Variants in C5AR1 observed in about 807,000 individuals in gnomAD.
The protein encoded by C5AR1 is C5a anaphylatoxin chemotactic receptor 1.
A neutral mutation model predicts 2.4 loss-of-function variants in C5AR1; 4 were observed. That is an observed-to-expected ratio of 1.65 (90% confidence interval 0.81 to 3.77). C5AR1 has a LOEUF of 3.77. C5AR1 is among the 30% of genes most tolerant of loss of function. C5AR1 has a pLI of 0.01. For missense variants in C5AR1, 418 were observed against 462.5 expected, an observed-to-expected ratio of 0.90 and a Z score of 0.88; for synonymous variants, 209 against 210.4, an observed-to-expected ratio of 0.99 and a Z score of 0.06.
rs5828299 is a variant in C5AR1, at chr19:47,317,507, C to CAAAAA, written c.4-2265_4-2261dup. Among the ~76,000 whole-genome samples the CAAAAA allele has an allele frequency of 2.8e-3, 324 of 115,154 alleles. 3 individuals carry two copies. Among genetic ancestry groups the CAAAAA allele is most frequent in the African/African-American group, 0.011 (307 of 27,912 alleles). The allele number at this position is 115,154 out of a possible 152,430, so 75.5% of individuals were successfully genotyped here. ...TGGGTGACAGAGTGAGACTCAGTCT[C>CAAAAA]AAAAAAAAAAAAATATATATATATA... On this transcript the variant is annotated intron_variant, in intron 1 of 1. Coordinates refer to ENST00000355085, the MANE Select transcript of C5AR1 (RefSeq NM_001736.4).
chr19:47,313,689 A>G lies in C5AR1; in HGVS notation c.3+3791A>G, dbSNP rs542491762. Among the ~76,000 whole-genome samples, 77 of 151,354 alleles carry G rather than the reference A, an allele frequency of 5.1e-4. No individual in the cohort carries two copies. The South Asian group carries it at 6.3e-3, about 12-fold the overall frequency. ...AATCCAGGAGGCGGAGCTTGCAGTGAGCTGAGATCGCGCCACTGCACTCCA... is the reference window on the plus strand; with the variant it reads ...AATCCAGGAGGCGGAGCTTGCAGTGGGCTGAGATCGCGCCACTGCACTCCA... On this transcript the variant is annotated intron_variant, in intron 1 of 1. Coordinates refer to ENST00000355085, the MANE Select transcript of C5AR1 (RefSeq NM_001736.4).
At position 47,320,646 on chromosome 19, in the gene C5AR1, A is replaced by G; in HGVS notation, c.869A>G (p.Tyr290Cys). 5.0e-6 allele frequency: 8 copies of G among 1,614,022 alleles called. No homozygotes were observed. The highest frequency in any genetic ancestry group is 1.3e-5 in the African/African-American group (1 of 75,006). ...KLDSLCVSFAYINCCINPIIY... is the reference protein window; with the variant it reads ...KLDSLCVSFACINCCINPIIY... ...GACTCCCTGTGTGTCTCCTTTGCCT[A>G]CATCAACTGCTGCATCAACCCCATC... The change falls in exon 2 of 2, where the codon TAC becomes TGC. Residue 290 changes from tyrosine (Y) to cysteine (C), a missense_variant. Coordinates refer to ENST00000355085, the MANE Select transcript of C5AR1 (RefSeq NM_001736.4). This position sits in a 1 kb window ranked among gnomAD's most constrained non-coding sequence, Gnocchi z 4.9.
At chr19:47,318,214 CCT>C (rs1417587483) in intron 1 of C5AR1, among the ~76,000 whole-genome samples, 2 of 152,080 alleles carry the variant, frequency 1.3e-5, no homozygotes, top group African/African-American at 4.8e-5. Flanking sequence ...GGGTTCACAT[CCT>C]CTCTGAGTGA....
rs1161259239 is a variant in C5AR1, at chr19:47,319,995, TC to T, written c.219del (p.Trp74GlyfsTer7). The stretch of plus-strand genomic sequence containing the variant: ...GAGGCCAAGCGGACCATCAATGCCA[TC>T]TGGTTCCTCAACTTGGCGGTAGCCG... Reference protein sequence around the residue: ...AFEAKRTINAIWFLNLAVADF... With the variant: ...AFEAKRTINAXWFLNLAVADF... On this transcript the variant is annotated frameshift_variant, in exon 2 of 2. Coordinates refer to ENST00000355085, the MANE Select transcript of C5AR1 (RefSeq NM_001736.4). LOFTEE classifies it low-confidence loss of function (END_TRUNC). 1.2e-6 allele frequency: 2 copies of T among 1,614,226 alleles called. No homozygotes were observed. The highest frequency in any genetic ancestry group is 2.2e-5 in the South Asian group (2 of 91,088).
Position 47,314,042 on chromosome 19 carries a change from C to T in C5AR1, c.3+4144C>T, listed in dbSNP as rs140272946. Among the ~76,000 whole-genome samples the T allele has an allele frequency of 3.5e-3, 539 of 152,282 alleles. 17 individuals carry two copies. Among genetic ancestry groups the T allele is most frequent in the Admixed American group, 0.03 (451 of 15,272 alleles). On this transcript the variant is annotated intron_variant, in intron 1 of 1. Transcript: ENST00000355085. Reference sequence around the variant, plus strand: ...TTCTCATCCGATCGTTCACATCTTGCGGCCAGCACCCTTGTCTAAGCCACC... The same window carrying T: ...TTCTCATCCGATCGTTCACATCTTGTGGCCAGCACCCTTGTCTAAGCCACC...
intron 1 of C5AR1, chr19:47,316,671 C>A (rs939154730): frequency 6.6e-6 from 1 of 152,106 alleles, no homozygotes; most frequent in Non-Finnish European, 1.5e-5. Context: ...TTTCAAGATT[C>A]ATCCACATTG....
upstream of C5AR1, among the ~76,000 whole-genome samples, chr19:47,309,121 C>G (rs1209439914): frequency 1.3e-5 from 2 of 152,086 alleles, no homozygotes; most frequent in African/African-American, 4.8e-5. Context: ...GCTGGGCTAC[C>G]TCCGCAGACT....
chr19:47,320,727 GCCT>G lies in C5AR1; in HGVS notation c.956_958del (p.Leu319del), dbSNP rs754961107. The G allele has an allele frequency of 1.9e-5, 30 of 1,613,962 alleles. No individual in the cohort carries two copies. The highest frequency in any genetic ancestry group is 2.5e-5 in the Non-Finnish European group (30 of 1,180,032). On this transcript the variant is annotated inframe_deletion, in exon 2 of 2. Transcript: ENST00000355085. The surrounding 1 kb of genome is among the most constrained non-coding windows in gnomAD (Gnocchi z 4.9). The stretch of plus-strand genomic sequence containing the variant: ...GGCCGACTGCGGAAATCCCTCCCCA[GCCT>G]CCTCCGGAACGTGTTGACTGAAGAG...
Position 47,320,387 on chromosome 19 carries a change from A to T in C5AR1, c.610A>T (p.Ile204Phe). 1 of 1,610,116 alleles carries T rather than the reference A, an allele frequency of 6.2e-7. No individual in the cohort carries two copies. The highest frequency in any genetic ancestry group is 1.1e-5 in the South Asian group (1 of 91,082). The change falls in exon 2 of 2, where the codon ATC becomes TTC. Residue 204 changes from isoleucine to phenylalanine, a missense_variant. Coordinates refer to ENST00000355085, the MANE Select transcript of C5AR1 (RefSeq NM_001736.4). The surrounding 1 kb of genome is among the most constrained non-coding windows in gnomAD (Gnocchi z 4.9). ...CAAACGGCGGGAGCGAGCCGTGGCC[A>T]TCGTCCGGCTGGTCCTGGGCTTCCT... ...HDKRRERAVAIVRLVLGFLWP... is the reference protein window; with the variant it reads ...HDKRRERAVAFVRLVLGFLWP...
At chr19:47,313,959 A>G (rs931677624) in intron 1 of C5AR1, among the ~76,000 whole-genome samples, 2 of 152,100 alleles carry the variant, frequency 1.3e-5, no homozygotes, top group African/African-American at 4.8e-5. Flanking sequence ...AAGGCTCAGG[A>G]CAGCCTGGCA....
chr19:47,309,232 G>A (rs1329614329), upstream of C5AR1, among the ~76,000 whole-genome samples: 6 of 152,078 alleles, frequency 3.9e-5, no homozygotes, highest in Non-Finnish European at 8.8e-5. Context: ...TAAGCCAACT[G>A]CATTCCTGAG....
chr19:47,312,376 G>A (rs1284824884), intron 1 of C5AR1, among the ~76,000 whole-genome samples: 12 of 152,168 alleles, frequency 7.9e-5, no homozygotes, highest in Admixed American at 5.9e-4. Flanking sequence ...GTGAGCCATC[G>A]CACCCAGCCT....
chr19:47,317,763 A>G (rs1252089530), intron 1 of C5AR1, among the ~76,000 whole-genome samples: 1 of 151,762 alleles, frequency 6.6e-6, no homozygotes, highest in African/African-American at 2.4e-5. Flanking sequence ...CAGGCAGATC[A>G]CGAGGTCAGG....
intron 1 of C5AR1, among the ~76,000 whole-genome samples, chr19:47,310,158 G>A (rs115260074): frequency 1.1e-3 from 161 of 152,266 alleles, no homozygotes; most frequent in African/African-American, 3.8e-3. Context: ...GCTGGGGCCC[G>A]AGAAGATTCC....
chr19:47,319,723 C>G, intron 1 of C5AR1, 58 bp from the exon 2 acceptor site: 1 of 1,152,214 alleles, frequency 8.7e-7, no homozygotes, highest in Admixed American at 1.9e-5. Flanking sequence ...CCAGGATGCC[C>G]CCTACCCGGG....
At chr19:47,308,076 A>G (rs918147455), upstream of C5AR1, among the ~76,000 whole-genome samples, 1 of 151,690 alleles carries the variant, frequency 6.6e-6, no homozygotes, top group African/African-American at 2.4e-5. Flanking sequence ...AGCCGGGTGC[A>G]GTGGTAGGCA....
Position 47,321,051 on chromosome 19 carries a change from A to G in C5AR1, c.*221A>G, listed in dbSNP as rs997148929. 6 of 187,020 alleles carry G rather than the reference A, an allele frequency of 3.2e-5. No individual in the cohort carries two copies. The highest frequency in any genetic ancestry group is 5.3e-5 in the Non-Finnish European group (6 of 112,846). The allele number at this position is 187,020 out of a possible 1,614,324, so 11.6% of individuals were successfully genotyped here. A position where few individuals can be genotyped will look rare whatever the true frequency, so the allele number is the denominator to read the frequency against. On this transcript the variant is annotated 3_prime_UTR_variant, in exon 2 of 2. Coordinates refer to ENST00000355085, the MANE Select transcript of C5AR1 (RefSeq NM_001736.4). ...ACTTCCTTCTAGGGAGCACCCTCCC[A>G]CCCCCCACCCCCCCCACACACACCA...
chr19:47,309,468 G>A (rs892989074), upstream of C5AR1, among the ~76,000 whole-genome samples: 4 of 151,858 alleles, frequency 2.6e-5, no homozygotes, highest in African/African-American at 9.7e-5. Flanking sequence ...CCAGCTACTC[G>A]GGAGGCTGAG....
At chr19:47,309,720 C>T (rs2059264097), upstream of C5AR1, among the ~76,000 whole-genome samples, 1 of 152,108 alleles carries the variant, frequency 6.6e-6, no homozygotes, top group African/African-American at 2.4e-5. Flanking sequence ...GTTAGAGTCC[C>T]CTGGGTGTGT....
Sources: gnomAD v4.1 joint callset for allele counts (sites outside exome capture counted in the v4.1 genomes callset) on GRCh38, gnomAD v4.1.1 for gene constraint, Gnocchi (gnomAD v3.1) non-coding constraint, MANE v1.5 for transcripts, NCBI Gene and HGNC (gene_info 2026-07-23, HGNC 2026-07-21) for gene names.